The following GRIP1 variants were observed in gnomAD, a reference collection of about 807,000 sequenced individuals.
GRIP1 encodes the protein glutamate receptor-interacting protein 1.
GRIP1 carries 45 observed loss-of-function variants against 129.9 expected under a neutral mutation model. The ratio of observed to expected loss-of-function variants is 0.35; its 90% CI spans 0.27 to 0.44. The LOEUF is 0.44. GRIP1 is among the 20% of genes least tolerant of loss of function. The pLI, the probability that GRIP1 is intolerant of heterozygous loss-of-function variation, is 1.00. For missense variants in GRIP1, 1,196 were observed against 1,396.8 expected, an observed-to-expected ratio of 0.86 and a Z score of 2.29; for synonymous variants, 530 against 520.8, an observed-to-expected ratio of 1.02 and a Z score of -0.24.
chr12:66,529,143 A>G (rs1465314914), intron 5 of GRIP1, among the ~76,000 whole-genome samples: 1 of 152,130 alleles, frequency 6.6e-6, no homozygotes, highest in African/African-American at 2.4e-5. Context: ...TAAAAAAAAA[A>G]ATGTTGACGT....
chr12:66,815,675 G>T (rs1159727030), intron 1 of GRIP1, among the ~76,000 whole-genome samples: 1 of 151,946 alleles, frequency 6.6e-6, no homozygotes, highest in African/African-American at 2.4e-5. Context: ...AAAGTGGGAG[G>T]ATTGCTTCAG....
intron 1 of GRIP1, among the ~76,000 whole-genome samples, chr12:66,758,192 A>G (rs908972600): frequency 4.6e-5 from 7 of 152,178 alleles, no homozygotes; most frequent in Admixed American, 2.6e-4. Flanking sequence ...TTGGACTTAC[A>G]GTTCCACTTG....
At chr12:66,616,584 G>A (rs750805627) in intron 1 of GRIP1, among the ~76,000 whole-genome samples, 35 of 152,124 alleles carry the variant, frequency 2.3e-4, no homozygotes, top group South Asian at 1.5e-3. Context: ...CTTTGTTTTT[G>A]TTTTTTACCT....
chr12:66,911,330 A>G (rs1335758759), intron 1 of GRIP1, among the ~76,000 whole-genome samples: 3 of 152,236 alleles, frequency 2.0e-5, no homozygotes, highest in Non-Finnish European at 4.4e-5. Context: ...GCGGAAATCT[A>G]TGTTCTGAAG....
intron 7 of GRIP1, among the ~76,000 whole-genome samples, chr12:66,475,216 T>A (rs1397781537): frequency 6.6e-6 from 1 of 151,884 alleles, no homozygotes; most frequent in African/African-American, 2.4e-5. Flanking sequence ...CTAACAAAGA[T>A]CAAAGGAGAC....
intron 14 of GRIP1, among the ~76,000 whole-genome samples, chr12:66,421,183 T>G (rs2057790011): frequency 6.6e-6 from 1 of 152,212 alleles, no homozygotes; most frequent in Non-Finnish European, 1.5e-5. Context: ...ACACCACTGT[T>G]GATGGGAATA....
intron 1 of GRIP1, among the ~76,000 whole-genome samples, chr12:66,995,220 G>GT (rs1256630877): frequency 6.7e-6 from 1 of 148,822 alleles, no homozygotes; most frequent in East Asian, 1.9e-4. Flanking sequence ...ATATCTACAT[G>GT]TAAGAGCTAA....
At chr12:66,397,287 G>C (rs905152559) in intron 16 of GRIP1, among the ~76,000 whole-genome samples, 1 of 151,876 alleles carries the variant, frequency 6.6e-6, no homozygotes, top group Admixed American at 6.6e-5. Flanking sequence ...CAAAGTAGGC[G>C]GATCACCTTA....
intron 1 of GRIP1, among the ~76,000 whole-genome samples, chr12:66,976,977 T>G (rs1377373108): frequency 6.6e-6 from 1 of 152,152 alleles, no homozygotes; most frequent in Non-Finnish European, 1.5e-5. Flanking sequence ...AATTCTATGT[T>G]CTGAACTGAA....
chr12:66,819,999 T>G (rs1248203295), intron 1 of GRIP1, among the ~76,000 whole-genome samples: 1 of 152,232 alleles, frequency 6.6e-6, no homozygotes, highest in Non-Finnish European at 1.5e-5. Context: ...GACTCAGTTA[T>G]CTGGAGGCAC....
intron 23 of GRIP1, among the ~76,000 whole-genome samples, chr12:66,371,331 G>A (rs1451787887): frequency 6.6e-6 from 1 of 151,928 alleles, no homozygotes; most frequent in Non-Finnish European, 1.5e-5. Flanking sequence ...GCTAATTTTT[G>A]TATTTTTAGT....
chr12:66,783,487 A>G (rs184847342), intron 1 of GRIP1, among the ~76,000 whole-genome samples: 2 of 152,314 alleles, frequency 1.3e-5, no homozygotes, highest in Non-Finnish European at 1.5e-5. Flanking sequence ...CTTGGCAGCA[A>G]CTTATAAGTG....
At chr12:66,824,240 T>G (rs900512881) in intron 1 of GRIP1, among the ~76,000 whole-genome samples, 2 of 151,994 alleles carry the variant, frequency 1.3e-5, no homozygotes, top group African/African-American at 2.4e-5. Context: ...CTAACAACCC[T>G]CCCCATCAAG....
intron 1 of GRIP1, among the ~76,000 whole-genome samples, chr12:66,642,891 G>C (rs1484463737): frequency 1.3e-5 from 2 of 152,078 alleles, no homozygotes; most frequent in South Asian, 4.2e-4. Flanking sequence ...GTATATATGA[G>C]AACTCAGGTT....
chr12:66,574,930 G>C (rs2063092787), intron 2 of GRIP1, among the ~76,000 whole-genome samples: 2 of 151,830 alleles, frequency 1.3e-5, no homozygotes, highest in South Asian at 4.2e-4. Flanking sequence ...ACCATGCCCA[G>C]CTATTTTTTT....
chr12:66,704,117 A>G (rs1375464437), intron 1 of GRIP1, among the ~76,000 whole-genome samples: 2 of 152,150 alleles, frequency 1.3e-5, no homozygotes, highest in African/African-American at 4.8e-5. Flanking sequence ...AGATGGTGAA[A>G]TTGACTAACT....
At chr12:66,443,207 T>C (rs2058518131) in intron 13 of GRIP1, among the ~76,000 whole-genome samples, 3 of 152,006 alleles carry the variant, frequency 2.0e-5, no homozygotes, top group African/African-American at 7.3e-5. Context: ...TCTTCTTGAT[T>C]ATGCCTTGTT....
intron 1 of GRIP1, among the ~76,000 whole-genome samples, chr12:67,020,835 C>T (rs886424936): frequency 2.0e-5 from 3 of 152,068 alleles, no homozygotes; most frequent in South Asian, 2.1e-4. Context: ...TGCAGTAGCT[C>T]GCACCTATAA....
chr12:66,861,999 G>C (rs1339254844), intron 1 of GRIP1, among the ~76,000 whole-genome samples: 1 of 152,060 alleles, frequency 6.6e-6, no homozygotes, highest in Non-Finnish European at 1.5e-5. Context: ...GATCATTTAG[G>C]TCTCAGGTCT....
Sources: gnomAD v4.1 joint callset for allele counts (sites outside exome capture counted in the v4.1 genomes callset) on GRCh38, gnomAD v4.1.1 for gene constraint, MANE v1.5 for transcripts, NCBI Gene and HGNC (gene_info 2026-07-23, HGNC 2026-07-21) for gene names.